TOR2A: variants seen among roughly 807,000 people sequenced by gnomAD.
TOR2A encodes prosalusin.
A neutral mutation model predicts 28.6 loss-of-function variants in TOR2A; 24 were observed. The observed-to-expected ratio is 0.84, with a 90% CI of 0.61 to 1.18. The LOEUF is 1.18. TOR2A is among the 50% of genes most tolerant of loss of function. The pLI is 0.00. For synonymous variants in TOR2A, 203 were observed against 203.1 expected (o/e 1.00, Z 0.00); for missense variants, 426 against 448.1 (o/e 0.95, Z 0.45).
chr9:127,733,070 G>A (rs1176213396), intron 3 of TOR2A: 1 of 1,453,766 alleles, frequency 6.9e-7, no homozygotes, highest in Non-Finnish European at 9.0e-7. Flanking sequence ...GGGACTAAAG[G>A]ACAAGAACTC....
At chr9:127,733,696 G>A (rs1844567292) in intron 2 of TOR2A, 136 bp from the exon 3 acceptor site, 2 of 786,364 alleles carry the variant, frequency 2.5e-6, no homozygotes, top group Admixed American at 5.9e-5. Context: ...TAGTGAGACT[G>A]ATGGTGAAAC....
intron 2 of TOR2A, chr9:127,733,865 C>T: frequency 2.2e-6 from 1 of 457,784 alleles, no homozygotes; most frequent in Non-Finnish European, 3.9e-6. Flanking sequence ...TGAAACTACA[C>T]AGCAGTGTTG....
intron 2 of TOR2A, chr9:127,734,071 A>T (rs1044962407): frequency 6.1e-6 from 3 of 488,186 alleles, no homozygotes; most frequent in Non-Finnish European, 1.1e-5. Context: ...CCTCACAACA[A>T]CCCTGGCATG....
Position 127,733,552 on chromosome 9 carries a change from C to T in TOR2A, c.426G>A (p.Leu142=). ...TGAGGTTCCCTTGGACCCAGCTCTTCAGATCCTTCTGTAGGGGAGAGACAG... is the reference window on the plus strand; with the variant it reads ...TGAGGTTCCCTTGGACCCAGCTCTTTAGATCCTTCTGTAGGGGAGAGACAG... ...PSHIERYKKD[L]KSWVQGNLTA... Residue 142 remains leucine (L), a synonymous_variant, in exon 3 of 5, where the codon CTG becomes CTA. Coordinates refer to ENST00000373284, the MANE Select transcript of TOR2A (RefSeq NM_001085347.3). 1 of 1,611,380 alleles carries T rather than the reference C, an allele frequency of 6.2e-7. No individual in the cohort carries two copies. Among genetic ancestry groups the T allele is most frequent in the Non-Finnish European group, 8.5e-7 (1 of 1,179,184 alleles).
Position 127,731,898 on chromosome 9 carries a change from C to T in TOR2A, c.*136G>A. 1 of 1,480,672 alleles carries T rather than the reference C, an allele frequency of 6.8e-7. No homozygotes were observed. Among genetic ancestry groups the T allele is most frequent in the African/African-American group, 1.4e-5 (1 of 70,998 alleles). The allele number at this position is 1,480,672 out of a possible 1,614,324, so 91.7% of individuals were successfully genotyped here. A position where few individuals can be genotyped will look rare whatever the true frequency, so the allele number is the denominator to read the frequency against. On this transcript the variant is annotated 3_prime_UTR_variant, in exon 5 of 5. Coordinates refer to ENST00000373284, the MANE Select transcript of TOR2A (RefSeq NM_001085347.3). ...TCGAGCCAGTTTAGAGGCCAGGGCC[C>T]TTCCTGGCCATCTGTCCCGTGGCCT...
Position 127,734,322 on chromosome 9 carries a change from G to A in TOR2A, c.394C>T (p.Pro132Ser), listed in dbSNP as rs1272555008. The change falls in exon 2 of 5, where the codon CCC becomes TCC. Residue 132 changes from proline to serine, a missense_variant. By Grantham distance (74) the Pro-to-Ser change is moderately conservative. Coordinates refer to ENST00000373284, the MANE Select transcript of TOR2A (RefSeq NM_001085347.3). ...ACCTTGTAGCGCTCGATGTGGCTGGGGTGGGGGAAGTGGAGGACGGGAGAA... is the reference window on the plus strand; with the variant it reads ...ACCTTGTAGCGCTCGATGTGGCTGGAGTGGGGGAAGTGGAGGACGGGAGAA... ...HFSPVLHFPH[P>S]SHIERYKKDL... 1.2e-6 allele frequency: 2 copies of A among 1,602,526 alleles called. No individual in the cohort carries two copies. Among genetic ancestry groups the A allele is most frequent in the Admixed American group, 1.7e-5 (1 of 59,220 alleles).
chr9:127,733,648 T>G, intron 2 of TOR2A, 88 bp from the exon 3 acceptor site: 1 of 1,208,310 alleles, frequency 8.3e-7, no homozygotes, highest in Non-Finnish European at 1.1e-6. Context: ...ATCTCCTTTC[T>G]AGGGAAGGAT....
rs772477260 is a variant in TOR2A, at chr9:127,734,580, G to A, written c.152-16C>T. 1.3e-6 allele frequency: 2 copies of A among 1,493,154 alleles called. No homozygotes were observed. Among genetic ancestry groups the A allele is most frequent in the South Asian group, 1.4e-5 (1 of 73,422 alleles). 92.5% of individuals were successfully genotyped at this position (1,493,154 alleles called of 1,614,324 possible). ...CACTCCAGACCTAGGGCCACAGGAG[G>A]ATGGTGAGGACACATCCCACCGAGG... is the stretch of plus-strand genomic sequence containing the variant. On this transcript the variant is annotated splice_polypyrimidine_tract_variant and intron_variant, in intron 1 of 4. Transcript: ENST00000373284.
chr9:127,734,807 A>G, intron 1 of TOR2A: 1 of 528,500 alleles, frequency 1.9e-6, no homozygotes, highest in Non-Finnish European at 3.1e-6. Flanking sequence ...CGAGCTGTCA[A>G]CGGGGTCAGC....
At position 127,731,635 on chromosome 9, in the gene TOR2A, G is replaced by C. The variant is rs1011063075; in HGVS notation, c.*399C>G. ...CCCTCCATTTCTGGAAACTGAGAAGGCTCCACCTGGCTTGATATGGACACA... is the reference window on the plus strand; with the variant it reads ...CCCTCCATTTCTGGAAACTGAGAAGCCTCCACCTGGCTTGATATGGACACA... On this transcript the variant is annotated 3_prime_UTR_variant, in exon 5 of 5. Transcript: ENST00000373284. 9.7e-7 allele frequency: 1 copy of C among 1,032,420 alleles called. No homozygotes were observed. Among genetic ancestry groups the C allele is most frequent in the Non-Finnish European group, 1.3e-6 (1 of 745,204 alleles). The allele number at this position is 1,032,420 out of a possible 1,614,324, so 64.0% of individuals were successfully genotyped here. A position where few individuals can be genotyped will look rare whatever the true frequency, so the allele number is the denominator to read the frequency against.
At position 127,734,378 on chromosome 9, in the gene TOR2A, C is replaced by T. The variant is rs1844596853; in HGVS notation, c.338G>A (p.Gly113Asp). Residue 113 changes from glycine (G) to aspartate (D), a missense_variant, in exon 2 of 5, where the codon GGC becomes GAC. Transcript: ENST00000373284. ...GTGCACGCGGGGGCTGCGGAGGCCG[C>T]CCTGGAAGAGGTAGTGCGCCAGCAG... The part of the protein sequence containing the change: ...SSLLAHYLFQ[G>D]GLRSPRVHHF... 4 of 1,612,544 alleles carry T rather than the reference C, an allele frequency of 2.5e-6. No homozygotes were observed. The highest frequency in any genetic ancestry group is 4.5e-5 in the East Asian group (2 of 44,820).
intron 2 of TOR2A, 70 bp downstream of exon 2, chr9:127,734,229 G>C (rs1481413077): frequency 2.7e-6 from 4 of 1,494,516 alleles, no homozygotes; most frequent in Non-Finnish European, 3.6e-6. Flanking sequence ...TCCCCTGTCT[G>C]GGCTCAGGAC....
chr9:127,732,006 A>G lies in TOR2A; in HGVS notation c.*28T>C, dbSNP rs1588471929. The G allele has an allele frequency of 6.3e-7, 1 of 1,592,238 alleles. No individual in the cohort carries two copies. The highest frequency in any genetic ancestry group is 1.1e-5 in the South Asian group (1 of 88,774). On this transcript the variant is annotated 3_prime_UTR_variant, in exon 5 of 5. Coordinates refer to ENST00000373284, the MANE Select transcript of TOR2A (RefSeq NM_001085347.3). ...GCCTTTCCTGCATGGCCTGGCCATC[A>G]GGGGGGCCGAGGACACCACTCAGAG...
chr9:127,734,653 T>C, intron 1 of TOR2A, 89 bp from the exon 2 acceptor site: 6 of 1,364,026 alleles, frequency 4.4e-6, no homozygotes, highest in Non-Finnish European at 5.7e-6. Context: ...CTGGGACTCC[T>C]GTGTCCTTAC....
chr9:127,733,564 T>G lies in TOR2A; in HGVS notation c.418-4A>C. 6.2e-7 allele frequency: 1 copy of G among 1,603,568 alleles called. No homozygotes were observed. Among genetic ancestry groups the G allele is most frequent in the Non-Finnish European group, 8.5e-7 (1 of 1,174,818 alleles). On this transcript the variant is annotated splice_region_variant and splice_polypyrimidine_tract_variant and intron_variant, in intron 2 of 4. Transcript: ENST00000373284. ...GGACCCAGCTCTTCAGATCCTTCTG[T>G]AGGGGAGAGACAGGAGTTCCAGGGG...
chr9:127,733,679 A>G (rs1364915313), intron 2 of TOR2A, 119 bp from the exon 3 acceptor site: 18 of 904,976 alleles, frequency 2.0e-5, no homozygotes, highest in East Asian at 1.1e-4. Context: ...AGAGAGCACC[A>G]ACCTCTTAGT....
Position 127,733,535 on chromosome 9 carries a change from C to T in TOR2A, c.443G>A (p.Gly148Glu). 1 of 1,613,190 alleles carries T rather than the reference C, an allele frequency of 6.2e-7. No individual in the cohort carries two copies. Among genetic ancestry groups the T allele is most frequent in the Non-Finnish European group, 8.5e-7 (1 of 1,179,854 alleles). The change falls in exon 3 of 5, where the codon GGG becomes GAG. Residue 148 changes from glycine to glutamate, a missense_variant. Transcript: ENST00000373284. ...YKKDLKSWVQ[G>E]NLTACGRSLF... ...GGAGCGGCCACAGGCAGTGAGGTTC[C>T]CTTGGACCCAGCTCTTCAGATCCTT...
At chr9:127,734,155 A>G (rs1844585460) in intron 2 of TOR2A, 144 bp downstream of exon 2, 2 of 1,104,738 alleles carry the variant, frequency 1.8e-6, no homozygotes, top group African/African-American at 1.6e-5. Flanking sequence ...CACCTTCCCA[A>G]GTTCTGTGCA....
intron 1 of TOR2A, 163 bp downstream of exon 1, chr9:127,734,957 C>A: frequency 9.0e-7 from 1 of 1,111,024 alleles, no homozygotes; most frequent in Non-Finnish European, 1.2e-6. Flanking sequence ...TGGACCTCAA[C>A]GGGTACCCTC....
Sources: gnomAD v4.1 joint callset for allele counts on GRCh38, gnomAD v4.1.1 for gene constraint, MANE v1.5 for transcripts, NCBI Gene and HGNC (gene_info 2026-07-23, HGNC 2026-07-21) for gene names.